The following SCARF2 variants were observed in gnomAD, a reference collection of about 807,000 sequenced individuals.
SCARF2 encodes scavenger receptor class F member 2.
A neutral mutation model predicts 73.4 loss-of-function variants in SCARF2; 39 were observed. That is an observed-to-expected ratio of 0.53 (90% CI 0.41 to 0.69). The LOEUF is 0.69. SCARF2 is among the 30% of genes least tolerant of loss of function. The probability of loss-of-function intolerance (pLI) is 0.00; values close to 1 mark genes in which losing one functional copy is unlikely to be tolerated. For missense variants in SCARF2, 1,148 were observed against 1,303.5 expected (o/e 0.88, Z 1.84); for synonymous variants, 605 against 590.0 (o/e 1.03, Z -0.37).
Position 20,431,203 on chromosome 22 carries a change from C to T in SCARF2, c.669G>A (p.Glu223=), listed in dbSNP as rs2146130943. ...GGCACTGACAGCGGCCGCTCTGCTGCTCGCAGGGAGACGAGTTGCAGGCGC... is the reference window on the plus strand; with the variant it reads ...GGCACTGACAGCGGCCGCTCTGCTGTTCGCAGGGAGACGAGTTGCAGGCGC... ...NQCACNSSPC[E]QQSGRCQCRE... The change falls in exon 4 of 11, where the codon GAG becomes GAA. Residue 223 remains glutamate (E), a synonymous_variant. Transcript: ENST00000622235. 3 of 1,561,942 alleles carry T rather than the reference C, an allele frequency of 1.9e-6. No homozygotes were observed. Among genetic ancestry groups the T allele is most frequent in the South Asian group, 1.2e-5 (1 of 86,346 alleles).
intron 1 of SCARF2, among the ~76,000 whole-genome samples, chr22:20,432,329 G>A (rs571545760): frequency 2.9e-4 from 44 of 152,330 alleles, no homozygotes; most frequent in Admixed American, 7.8e-4. Flanking sequence ...TGGGCCTCAG[G>A]ACCTGCCCAA....
At position 20,430,415 on chromosome 22, in the gene SCARF2, C is replaced by G. The variant is rs557833478; in HGVS notation, c.1202+14G>C. 21 of 1,584,076 alleles carry G rather than the reference C, an allele frequency of 1.3e-5. No individual in the cohort carries two copies. In the African/African-American group the frequency reaches 2.7e-4, roughly 20 times the overall value. ...TACAAGCCCCCAACCCCCTCCCGGT[C>G]CCGGGGCACTCACTGGGGCCCGTGG... On this transcript the variant is annotated intron_variant, in intron 6 of 10. Transcript: ENST00000622235.
At chr22:20,437,077 C>A (rs555098094) in intron 1 of SCARF2, among the ~76,000 whole-genome samples, 10 of 152,264 alleles carry the variant, frequency 6.6e-5, no homozygotes, top group African/African-American at 2.2e-4. Context: ...CACCACCCTC[C>A]CACCCGCGCC....
Position 20,426,100 on chromosome 22 carries a change from C to T in SCARF2, c.1876G>A (p.Val626Met), listed in dbSNP as rs922865445. ...GCCGGCCGGGCCTCGCGTCGGGCCA[C>T]GCGCGCGTACAGAGCCCCTCCGGGC... is the stretch of plus-strand genomic sequence containing the variant. ...EGPGGALYAR[V>M]ARREARPARA... The change falls in exon 11 of 11, where the codon GTG becomes ATG. Residue 626 changes from valine to methionine, a missense_variant. Coordinates refer to ENST00000622235, the MANE Select transcript of SCARF2 (RefSeq NM_182895.5). 5 of 1,488,908 alleles carry T rather than the reference C, an allele frequency of 3.4e-6. No homozygotes were observed. The highest frequency in any genetic ancestry group is 2.6e-5 in the East Asian group (1 of 38,234). 92.2% of individuals were successfully genotyped at this position (1,488,908 alleles called of 1,614,324 possible).
chr22:20,431,899 C>T, intron 2 of SCARF2, 31 bp downstream of exon 2: 2 of 1,602,370 alleles, frequency 1.2e-6, no homozygotes, highest in South Asian at 2.2e-5. Flanking sequence ...GCCCCCTCCC[C>T]CGCCCCAGGT....
chr22:20,429,458 A>G lies in SCARF2; in HGVS notation c.1424+78T>C. 6.3e-7 allele frequency: 1 copy of G among 1,584,086 alleles called. No individual in the cohort carries two copies. On this transcript the variant is annotated intron_variant, in intron 8 of 10. Coordinates refer to ENST00000622235, the MANE Select transcript of SCARF2 (RefSeq NM_182895.5). The surrounding 1 kb of genome is among the most constrained non-coding windows in gnomAD (Gnocchi z 5.2). ...GCCACGTCCGGGGCAGGGGCGCGGAAGGGTTGGATCTGGGTCCGGTGGCAC... is the reference window on the plus strand; with the variant it reads ...GCCACGTCCGGGGCAGGGGCGCGGAGGGGTTGGATCTGGGTCCGGTGGCAC...
rs1301310115 is a variant in SCARF2 at position 20,425,217 on chromosome 22, G to A, written c.*158C>T. 7.3e-6 allele frequency: 4 copies of A among 548,152 alleles called. No individual in the cohort carries two copies. Among genetic ancestry groups the A allele is most frequent in the Non-Finnish European group, 1.1e-5 (4 of 356,566 alleles). 34.0% of individuals were successfully genotyped at this position (548,152 alleles called of 1,614,324 possible). A position where few individuals can be genotyped will look rare whatever the true frequency, so the allele number is the denominator to read the frequency against. Reference sequence around the variant, plus strand: ...CGCCAGAGCACACTGCTCCAATCCAGGAGCGGCTGCAGGACCTGAGCCAAT... The same window carrying A: ...CGCCAGAGCACACTGCTCCAATCCAAGAGCGGCTGCAGGACCTGAGCCAAT... On this transcript the variant is annotated 3_prime_UTR_variant, in exon 11 of 11. Transcript: ENST00000622235. The surrounding 1 kb of genome is among the most constrained non-coding windows in gnomAD (Gnocchi z 4.6).
At position 20,425,898 on chromosome 22, in the gene SCARF2, C is replaced by T. The variant is rs865972903; in HGVS notation, c.2078G>A (p.Ser693Asn). The T allele has an allele frequency of 1.3e-6, 2 of 1,598,342 alleles. No homozygotes were observed. Among genetic ancestry groups the T allele is most frequent in the African/African-American group, 1.4e-5 (1 of 73,012 alleles). ...PPPPGSEAAPSPSKRKRTPSD... is the reference protein window; with the variant it reads ...PPPPGSEAAPNPSKRKRTPSD... ...GGGCGTCCGTTTCCTCTTGCTGGGG[C>T]TGGGCGCGGCCTCGGAGCCTGGCGG... The change falls in exon 11 of 11, where the codon AGC (serine) becomes AAC (asparagine). Residue 693 changes from serine (S) to asparagine (N), a missense_variant. Coordinates refer to ENST00000622235, the MANE Select transcript of SCARF2 (RefSeq NM_182895.5). This position sits in a 1 kb window ranked among gnomAD's most constrained non-coding sequence, Gnocchi z 4.6.
chr22:20,431,387 G>A lies in SCARF2; in HGVS notation c.485C>T (p.Thr162Met). The stretch of plus-strand genomic sequence containing the variant: ...GCACGCGCCGCTCCGCGGGTGGCAC[G>A]TGCCGTGCTGGCACTGGCACGCATG... Reference protein sequence around the residue: ...CEHACQCQHGTCHPRSGACRC... With the variant: ...CEHACQCQHGMCHPRSGACRC... The change falls in exon 4 of 11, where the codon ACG becomes ATG. Residue 162 changes from threonine (T) to methionine (M), a missense_variant. Physicochemically the swap from Thr to Met is moderately conservative, Grantham distance 81. Transcript: ENST00000622235. 2.6e-6 allele frequency: 4 copies of A among 1,526,700 alleles called. No individual in the cohort carries two copies. Among genetic ancestry groups the A allele is most frequent in the African/African-American group, 1.4e-5 (1 of 71,838 alleles). The allele number at this position is 1,526,700 out of a possible 1,614,324, so 94.6% of individuals were successfully genotyped here. A position where few individuals can be genotyped will look rare whatever the true frequency, so the allele number is the denominator to read the frequency against.
chr22:20,430,981 C>T lies in SCARF2; in HGVS notation c.854+37G>A, dbSNP rs767628605. ...CTGTCCCCATCGGCGGCCCGCCCTT[C>T]CACCTCCTCCCTCCCTGGCCGAGAG... On this transcript the variant is annotated intron_variant, in intron 4 of 10. Transcript: ENST00000622235. The T allele has an allele frequency of 4.5e-6, 7 of 1,568,240 alleles. No individual in the cohort carries two copies. In the East Asian group the frequency reaches 7.0e-5, roughly 16 times the overall value.
Position 20,425,506 on chromosome 22 carries a change from GC to G in SCARF2, c.2469del (p.Pro824LeufsTer115). 7.4e-7 allele frequency: 1 copy of G among 1,358,718 alleles called. No individual in the cohort carries two copies. The highest frequency in any genetic ancestry group is 9.5e-7 in the Non-Finnish European group (1 of 1,057,202). 84.2% of individuals were successfully genotyped at this position (1,358,718 alleles called of 1,614,324 possible). On this transcript the variant is annotated frameshift_variant, in exon 11 of 11. Transcript: ENST00000622235. LOFTEE classifies it high-confidence loss of function. This position sits in a 1 kb window ranked among gnomAD's most constrained non-coding sequence, Gnocchi z 4.6. Reference protein sequence around the residue: ...ARAPPATETPGPEKAATDLPA... With the variant: ...ARAPPATETPXPEKAATDLPA... ...GGCAAGTCGGTCGCCGCCTTCTCAG[GC>G]CCCGGGGTTTCGGTCGCTGGGGGCG...
At chr22:20,427,612 G>A (rs1034803278) in intron 9 of SCARF2, 62 bp from the exon 10 acceptor site, 6 of 1,589,668 alleles carry the variant, frequency 3.8e-6, no homozygotes, top group Admixed American at 1.7e-5. Context: ...GCCCTCATTA[G>A]CCCCTGCTGT....
rs1456448690 is a variant in SCARF2, at chr22:20,431,757, T to A, written c.322A>T (p.Asn108Tyr). The change falls in exon 3 of 11, where the codon AAC becomes TAC. Residue 108 changes from asparagine (N) to tyrosine (Y), a missense_variant. Asn to Tyr is a moderately radical substitution (Grantham distance 143, BLOSUM62 -2). Coordinates refer to ENST00000622235, the MANE Select transcript of SCARF2 (RefSeq NM_182895.5). Reference sequence around the variant, plus strand: ...ACCCCACGCTCACTGGTGTCGCAGTTGGCACCGAAGTAGCCGTGGCGGCAG... The same window carrying A: ...ACCCCACGCTCACTGGTGTCGCAGTAGGCACCGAAGTAGCCGTGGCGGCAG... Reference protein sequence around the residue: ...CRCRHGYFGANCDTKCPRQFW... With the variant: ...CRCRHGYFGAYCDTKCPRQFW... 14 of 1,580,940 alleles carry A rather than the reference T, an allele frequency of 8.9e-6. No individual in the cohort carries two copies. Among genetic ancestry groups the A allele is most frequent in the Admixed American group, 7.3e-5 (4 of 54,666 alleles).
In SCARF2 at chr22:20,429,193, T is replaced by C. The variant is rs1234128294; in HGVS notation, c.1540+32A>G. ...AGCAGCTTCCTGCGTCGAGAGGTGT[T>C]TCTCCCAGATACCCCGCGCTGTCAT... is the stretch of plus-strand genomic sequence containing the variant. On this transcript the variant is annotated intron_variant, in intron 9 of 10. Coordinates refer to ENST00000622235, the MANE Select transcript of SCARF2 (RefSeq NM_182895.5). The surrounding 1 kb of genome is among the most constrained non-coding windows in gnomAD (Gnocchi z 5.2). 2 of 1,613,796 alleles carry C rather than the reference T, an allele frequency of 1.2e-6. No homozygotes were observed. The highest frequency in any genetic ancestry group is 2.2e-5 in the South Asian group (2 of 91,038).
chr22:20,437,598 C>G lies in SCARF2; in HGVS notation c.157G>C (p.Val53Leu). The G allele has an allele frequency of 3.2e-6, 5 of 1,573,324 alleles. No individual in the cohort carries two copies. The highest frequency in any genetic ancestry group is 4.3e-6 in the Non-Finnish European group (5 of 1,166,996). Residue 53 changes from valine to leucine, a missense_variant, in exon 1 of 11, where the codon GTG (valine) becomes CTG (leucine). Val to Leu is a conservative substitution (Grantham distance 32). Coordinates refer to ENST00000622235, the MANE Select transcript of SCARF2 (RefSeq NM_182895.5). The part of the protein sequence containing the change: ...PQELNPRGRN[V>L]CRAPGSQVPT... ...GGCTCCTACCCGGGAGCACGGCACA[C>G]GTTGCGGCCGCGAGGGTTCAGTTCC...
rs760923666 is a variant in SCARF2 at position 20,425,327 on chromosome 22, G to A, written c.*48C>T. 2.1e-5 allele frequency: 28 copies of A among 1,321,082 alleles called. No individual in the cohort carries two copies. Among genetic ancestry groups the A allele is most frequent in the Non-Finnish European group, 2.4e-5 (25 of 1,027,386 alleles). The allele number at this position is 1,321,082 out of a possible 1,614,324, so 81.8% of individuals were successfully genotyped here. A position where few individuals can be genotyped will look rare whatever the true frequency, so the allele number is the denominator to read the frequency against. ...TAGCGTGGGAGGTGTGGGGTGGCGG[G>A]CGGCGCTGCGAAGCTGAGGGAGCTG... On this transcript the variant is annotated 3_prime_UTR_variant, in exon 11 of 11. Transcript: ENST00000622235. The surrounding 1 kb of genome is among the most constrained non-coding windows in gnomAD (Gnocchi z 4.6).
In SCARF2 at chr22:20,425,837, G is replaced by T; in HGVS notation, c.2139C>A (p.Ser713Arg). 1.3e-6 allele frequency: 2 copies of T among 1,577,044 alleles called. No individual in the cohort carries two copies. The highest frequency in any genetic ancestry group is 1.1e-5 in the South Asian group (1 of 87,532). ...GCGGCGTTGGGTCGCGGGTCCGGGG[G>T]CTGCCGTGTTCGACCGTATGCGCCG... Reference protein sequence around the residue: ...DKSAHTVEHGSPRTRDPTPRP... With the variant: ...DKSAHTVEHGRPRTRDPTPRP... Residue 713 changes from serine to arginine, a missense_variant, in exon 11 of 11, where the codon AGC (serine) becomes AGA (arginine). Transcript: ENST00000622235. The surrounding 1 kb of genome is among the most constrained non-coding windows in gnomAD (Gnocchi z 4.6).
chr22:20,429,622 C>T lies in SCARF2; in HGVS notation c.1338G>A (p.Ala446=). Residue 446 remains alanine (A), a synonymous_variant, in exon 8 of 11, where the codon GCG becomes GCA. Coordinates refer to ENST00000622235, the MANE Select transcript of SCARF2 (RefSeq NM_182895.5). The surrounding 1 kb of genome is among the most constrained non-coding windows in gnomAD (Gnocchi z 5.2). Reference sequence around the variant, plus strand: ...AGACGAGCAGGACGAGCAGCGCGCCCGCGCCCATCACGCCCTTGCGCTGGT... The same window carrying T: ...AGACGAGCAGGACGAGCAGCGCGCCTGCGCCCATCACGCCCTTGCGCTGGT... The part of the protein sequence containing the change: ...ETNQRKGVMG[A]GALLVLLVCL... The T allele has an allele frequency of 1.2e-6, 2 of 1,613,786 alleles. No homozygotes were observed. The highest frequency in any genetic ancestry group is 1.3e-5 in the African/African-American group (1 of 75,052).
rs1253787618 is a variant in SCARF2, at chr22:20,430,925, A to G, written c.855-17T>C. On this transcript the variant is annotated splice_polypyrimidine_tract_variant and intron_variant, in intron 4 of 10. Transcript: ENST00000622235. Reference sequence around the variant, plus strand: ...TGGCCACACCTGGGGGAGGGGTCGGAGGCTAGGGAAGGCTGGGACCCGCCT... The same window carrying G: ...TGGCCACACCTGGGGGAGGGGTCGGGGGCTAGGGAAGGCTGGGACCCGCCT... The G allele has an allele frequency of 6.4e-7, 1 of 1,568,598 alleles. No individual in the cohort carries two copies. The highest frequency in any genetic ancestry group is 1.8e-5 in the Admixed American group (1 of 56,358).
Sources: allele counts gnomAD v4.1 joint callset (sites outside exome capture counted in the v4.1 genomes callset), GRCh38; gene constraint gnomAD v4.1.1; non-coding constraint Gnocchi (gnomAD v3.1); transcripts MANE v1.5; gene names NCBI Gene and HGNC (gene_info 2026-07-23, HGNC 2026-07-21).